XIRP2: variants seen among roughly 807,000 people sequenced by gnomAD.
The protein encoded by XIRP2 is xin actin-binding repeat-containing protein 2.
A neutral mutation model predicts 277.0 loss-of-function variants in XIRP2; 236 were observed. The observed-to-expected ratio is 0.85, with a 90% CI of 0.77 to 0.95. The LOEUF is 0.95. Among genes scored for constraint, XIRP2 ranks in the 40% least tolerant of loss-of-function variants. XIRP2 has a pLI of 0.00. For synonymous variants in XIRP2, 1,490 were observed against 1,416.5 expected, an observed-to-expected ratio of 1.05 and a Z score of -1.17; for missense variants, 4,640 against 4,157.5, an observed-to-expected ratio of 1.12 and a Z score of -3.19.
In XIRP2 at chr2:167,249,310, A is replaced by G. The variant is rs1206965161; in HGVS notation, c.7918A>G (p.Lys2640Glu). 6.2e-7 allele frequency: 1 copy of G among 1,613,780 alleles called. No individual in the cohort carries two copies. The highest frequency in any genetic ancestry group is 1.3e-5 in the African/African-American group (1 of 74,908). The change falls in exon 9 of 11, where the codon AAG becomes GAG. Residue 2640 changes from lysine to glutamate, a missense_variant. Transcript: ENST00000409195. ...AACATCGCCAGAAACAGTCGCTGCCAAGAGGCTCCACCATGTTTTAGCAGC... is the reference window on the plus strand; with the variant it reads ...AACATCGCCAGAAACAGTCGCTGCCGAGAGGCTCCACCATGTTTTAGCAGC... ...STTSPETVAA[K>E]RLHHVLAASE...
intron 2 of XIRP2, among the ~76,000 whole-genome samples, chr2:166,970,569 C>T (rs1299629248): frequency 6.6e-6 from 1 of 151,784 alleles, no homozygotes; most frequent in African/African-American, 2.4e-5. Flanking sequence ...ATATCATGAA[C>T]TATTCTCATT....
chr2:167,243,835 C>T lies in XIRP2; in HGVS notation c.2443C>T (p.Gln815Ter), dbSNP rs1381671304. Residue 815 changes from glutamine to a stop codon, truncating the protein, a stop_gained, in exon 9 of 11, where the codon CAA (glutamine) becomes TAA (stop). Transcript: ENST00000409195. LOFTEE classifies it high-confidence loss of function. ...TAAGGCAAAGTGGTTATTTGAAACC[C>T]AACCTTTGGAGAAAATCAAAGAGTC... ...VSKAKWLFET[Q>*]PLEKIKESEE... is the part of the protein sequence containing the mutation. The T allele has an allele frequency of 1.2e-6, 2 of 1,613,738 alleles. No individual in the cohort carries two copies. Among genetic ancestry groups the T allele is most frequent in the African/African-American group, 2.7e-5 (2 of 74,858 alleles).
Position 167,244,575 on chromosome 2 carries a change from C to T in XIRP2, c.3183C>T (p.Thr1061=), listed in dbSNP as rs905813130. 4.3e-6 allele frequency: 7 copies of T among 1,612,456 alleles called. No homozygotes were observed. Among genetic ancestry groups the T allele is most frequent in the Non-Finnish European group, 5.9e-6 (7 of 1,179,384 alleles). ...NVKSAKWLFE[T]QPLDSIKYFS... is the part of the protein sequence containing the mutation. ...AATCTGCCAAATGGTTGTTTGAAACCCAACCTCTTGATTCAATTAAATATT... is the reference window on the plus strand; with the variant it reads ...AATCTGCCAAATGGTTGTTTGAAACTCAACCTCTTGATTCAATTAAATATT... The change falls in exon 9 of 11, where the codon ACC becomes ACT. Residue 1061 remains threonine (T), a synonymous_variant. Coordinates refer to ENST00000409195, the MANE Select transcript of XIRP2 (RefSeq NM_152381.6).
intron 2 of XIRP2, among the ~76,000 whole-genome samples, chr2:166,921,997 A>G (rs956672723): frequency 6.6e-6 from 1 of 152,176 alleles, no homozygotes; most frequent in Non-Finnish European, 1.5e-5. Context: ...AGAAACAGAT[A>G]TGAAGGAATT....
intron 2 of XIRP2, among the ~76,000 whole-genome samples, chr2:166,975,960 A>AAAAAAAAAAAAAAC (rs1686707067): frequency 6.9e-6 from 1 of 145,940 alleles, no homozygotes; most frequent in Non-Finnish European, 1.5e-5. Context: ...AAAAAAAAAA[A>AAAAAAAAAAAAAAC]AGGTTAATTG....
intron 3 of XIRP2, among the ~76,000 whole-genome samples, chr2:167,141,894 T>C (rs1574292028): frequency 6.6e-6 from 1 of 152,006 alleles, no homozygotes; most frequent in African/African-American, 2.4e-5. Flanking sequence ...ATATACATAG[T>C]TATATTTTGT....
chr2:166,964,316 CATA>C (rs1337048387), intron 2 of XIRP2, among the ~76,000 whole-genome samples: 3 of 151,646 alleles, frequency 2.0e-5, no homozygotes, highest in Admixed American at 2.0e-4. Flanking sequence ...TGTGTTTTCT[CATA>C]ATGCAGGAGG....
intron 3 of XIRP2, among the ~76,000 whole-genome samples, chr2:167,181,614 C>T (rs1335473959): frequency 6.6e-6 from 1 of 151,912 alleles, no homozygotes; most frequent in Non-Finnish European, 1.5e-5. Context: ...AGGAAGCTTC[C>T]TTATTATACC....
chr2:167,210,414 T>C (rs1334585827), intron 3 of XIRP2, among the ~76,000 whole-genome samples: 3 of 152,214 alleles, frequency 2.0e-5, no homozygotes, highest in Admixed American at 6.5e-5. Flanking sequence ...CACACAGAAT[T>C]TAGCATACAT....
intron 2 of XIRP2, among the ~76,000 whole-genome samples, chr2:166,938,713 T>C (rs1201271143): frequency 1.3e-5 from 2 of 152,224 alleles, no homozygotes; most frequent in Non-Finnish European, 2.9e-5. Context: ...TCTCCCATTA[T>C]TATTGTGTGG....
At chr2:166,961,499 T>C (rs1686296188) in intron 2 of XIRP2, among the ~76,000 whole-genome samples, 1 of 151,850 alleles carries the variant, frequency 6.6e-6, no homozygotes. Flanking sequence ...GCTAATATAT[T>C]TGTTTACTTA....
chr2:166,922,475 T>C (rs2105358927), intron 2 of XIRP2, among the ~76,000 whole-genome samples: 1 of 152,180 alleles, frequency 6.6e-6, no homozygotes, highest in Admixed American at 6.6e-5. Context: ...AGTATTGAGG[T>C]CCTTTATGTA....
chr2:167,243,048 TTC>T lies in XIRP2; in HGVS notation c.1659_1660del (p.Gln554LysfsTer14). The T allele has an allele frequency of 1.9e-6, 3 of 1,614,014 alleles. No individual in the cohort carries two copies. Among genetic ancestry groups the T allele is most frequent in the Non-Finnish European group, 2.5e-6 (3 of 1,179,958 alleles). ...RYVFENTNDS[S>X]QKDLNSEREY... ...ATGTTTTTGAAAACACAAATGACAG[TTC>T]TCAAAAAGATCTGAACTCAGAAAGA... On this transcript the variant is annotated frameshift_variant, in exon 9 of 11. Transcript: ENST00000409195. LOFTEE classifies it high-confidence loss of function.
intron 2 of XIRP2, among the ~76,000 whole-genome samples, chr2:167,075,265 G>C (rs1328385320): frequency 6.6e-6 from 1 of 152,162 alleles, no homozygotes; most frequent in Non-Finnish European, 1.5e-5. Flanking sequence ...GAGATAGAGG[G>C]AGGTGAAGAA....
intron 5 of XIRP2, among the ~76,000 whole-genome samples, chr2:167,222,182 C>A (rs1037276400): frequency 2.0e-5 from 3 of 152,170 alleles, no homozygotes; most frequent in African/African-American, 7.2e-5. Context: ...AATATAAGAA[C>A]ATTTATTTAT....
In XIRP2 at chr2:167,258,456, A is replaced by G. The variant is rs1574008841; in HGVS notation, c.*639A>G. The G allele has an allele frequency of 1.2e-6, 2 of 1,613,222 alleles. No individual in the cohort carries two copies. The highest frequency in any genetic ancestry group is 1.7e-6 in the Non-Finnish European group (2 of 1,179,636). ...GATGAAAAGAAGGAAGGAAGGAAGA[A>G]TGTGCAAGATAGGCCGAGTGAAGCT... On this transcript the variant is annotated 3_prime_UTR_variant, in exon 11 of 11. Transcript: ENST00000409195.
At chr2:167,098,131 C>T (rs1286613534) in intron 2 of XIRP2, among the ~76,000 whole-genome samples, 2 of 152,120 alleles carry the variant, frequency 1.3e-5, no homozygotes, top group Non-Finnish European at 2.9e-5. Context: ...TGGATAATAT[C>T]CTGAAGTGTG....
At chr2:167,162,281 C>T (rs1692392666) in intron 3 of XIRP2, among the ~76,000 whole-genome samples, 2 of 152,220 alleles carry the variant, frequency 1.3e-5, no homozygotes, top group African/African-American at 4.8e-5. Flanking sequence ...TCTACAGCAG[C>T]ACCCCACTCT....
At chr2:167,097,617 G>A (rs1402537902) in intron 2 of XIRP2, among the ~76,000 whole-genome samples, 1 of 152,034 alleles carries the variant, frequency 6.6e-6, no homozygotes, top group African/African-American at 2.4e-5. Flanking sequence ...TGGTTATTTT[G>A]CCCATTAGTT....
Sources: allele counts gnomAD v4.1 joint callset (sites outside exome capture counted in the v4.1 genomes callset), GRCh38; gene constraint gnomAD v4.1.1; transcripts MANE v1.5; gene names NCBI Gene and HGNC (gene_info 2026-07-23, HGNC 2026-07-21).